Variants in DLGAP2 observed in about 807,000 individuals in gnomAD.
DLGAP2 encodes disks large-associated protein 2.
Under a neutral mutation model 100.3 loss-of-function variants are expected in DLGAP2, and 26 were observed. That is an observed-to-expected ratio of 0.26 (90% CI 0.19 to 0.36). The LOEUF is 0.36. DLGAP2 is among the 10% of genes least tolerant of loss of function. DLGAP2 has a pLI of 1.00. For missense variants in DLGAP2, 1,858 were observed against 1,453.2 expected, an observed-to-expected ratio of 1.28 and a Z score of -4.53; for synonymous variants, 886 against 630.1, an observed-to-expected ratio of 1.41 and a Z score of -6.08.
chr8:1,188,750 C>T (rs1482766739), intron 2 of DLGAP2, among the ~76,000 whole-genome samples: 2 of 152,222 alleles, frequency 1.3e-5, no homozygotes, highest in Non-Finnish European at 2.9e-5. Flanking sequence ...GAGATGTCAG[C>T]GTCTGGAAAG....
At chr8:1,700,556 C>T (rs540657631) in intron 14 of DLGAP2, among the ~76,000 whole-genome samples, 97 of 152,196 alleles carry the variant, frequency 6.4e-4, no homozygotes, top group Non-Finnish European at 1.1e-3. Context: ...ACGGCATACA[C>T]GTATTTTAGC....
chr8:1,699,540 G>C (rs896693920), intron 14 of DLGAP2, among the ~76,000 whole-genome samples: 2 of 152,234 alleles, frequency 1.3e-5, no homozygotes, highest in African/African-American at 4.8e-5. Flanking sequence ...AGTGAACCCG[G>C]AAGGCAGAGC....
At chr8:1,472,069 G>T (rs556599198) in intron 3 of DLGAP2, among the ~76,000 whole-genome samples, 1 of 152,242 alleles carries the variant, frequency 6.6e-6, no homozygotes, top group African/African-American at 2.4e-5. Context: ...TAGCAGCCAC[G>T]ATTGAGCGTG....
intron 3 of DLGAP2, among the ~76,000 whole-genome samples, chr8:1,454,679 C>A (rs1439392673): frequency 1.3e-5 from 2 of 152,164 alleles, no homozygotes; most frequent in African/African-American, 2.4e-5. Context: ...TTTGACTTCA[C>A]TTTTTCTCTA....
intron 3 of DLGAP2, among the ~76,000 whole-genome samples, chr8:1,293,936 G>T (rs902701298): frequency 6.6e-6 from 1 of 152,192 alleles, no homozygotes; most frequent in Admixed American, 6.5e-5. Context: ...TGCAAAACAA[G>T]TATCAGGCTG....
chr8:1,494,160 G>A (rs9918906), intron 3 of DLGAP2, among the ~76,000 whole-genome samples: 2 of 152,240 alleles, frequency 1.3e-5, no homozygotes, highest in Non-Finnish European at 2.9e-5. Context: ...TGGTGTTTAT[G>A]AGGTGATAAT....
At chr8:1,639,692 T>C (rs962598537) in intron 8 of DLGAP2, among the ~76,000 whole-genome samples, 36 of 152,194 alleles carry the variant, frequency 2.4e-4, no homozygotes, top group Non-Finnish European at 7.3e-5. Context: ...AAGTCTAAAG[T>C]AGGTTCTGTG....
intron 6 of DLGAP2, among the ~76,000 whole-genome samples, chr8:1,589,891 G>T (rs1796239895): frequency 6.6e-6 from 1 of 152,158 alleles, no homozygotes; most frequent in South Asian, 2.1e-4. Flanking sequence ...ACATTTGGGG[G>T]ATGGACTGTA....
At chr8:1,263,158 T>G (rs538117546) in intron 3 of DLGAP2, among the ~76,000 whole-genome samples, 30 of 152,346 alleles carry the variant, frequency 2.0e-4, no homozygotes, top group Admixed American at 1.7e-3. Flanking sequence ...GAACGATTCT[T>G]TAGCAATCGA....
chr8:1,244,851 T>C (rs907053385), intron 2 of DLGAP2, among the ~76,000 whole-genome samples: 2 of 152,166 alleles, frequency 1.3e-5, no homozygotes, highest in Non-Finnish European at 2.9e-5. Flanking sequence ...GAAACTCAAG[T>C]AATGAGGTAA....
rs191607020 is a variant in DLGAP2 at position 1,694,579 on chromosome 8, C to G, written c.2797-2568C>G. Among the ~76,000 whole-genome samples, 194 of 152,260 alleles carry G rather than the reference C, an allele frequency of 1.3e-3. 1 individual carries two copies. Among genetic ancestry groups the G allele is most frequent in the African/African-American group, 4.0e-3 (168 of 41,546 alleles). On this transcript the variant is annotated intron_variant, in intron 13 of 14. Coordinates refer to ENST00000637795, the MANE Select transcript of DLGAP2 (RefSeq NM_001346810.2). The stretch of plus-strand genomic sequence containing the variant: ...TGGCCTGATTGCTGTGCTTGTGGGA[C>G]CAGCAGTTTGGTGTCCCCAGAAACT...
intron 6 of DLGAP2, among the ~76,000 whole-genome samples, chr8:1,587,444 C>T (rs1386126307): frequency 1.3e-5 from 2 of 152,066 alleles, no homozygotes; most frequent in Non-Finnish European, 2.9e-5. Context: ...ATTGCTATTT[C>T]TTCTTTTGTT....
chr8:1,080,162 G>A (rs894774677), intron 2 of DLGAP2, among the ~76,000 whole-genome samples: 8 of 152,220 alleles, frequency 5.3e-5, no homozygotes, highest in Admixed American at 1.3e-4. Context: ...GAGCAGGTGC[G>A]GAGCTCCACA....
At chr8:1,365,197 C>A (rs562293740) in intron 3 of DLGAP2, among the ~76,000 whole-genome samples, 1 of 152,294 alleles carries the variant, frequency 6.6e-6, no homozygotes, top group South Asian at 2.1e-4. Context: ...TGGGTGGTCA[C>A]TTCTACCCGG....
intron 1 of DLGAP2, among the ~76,000 whole-genome samples, chr8:880,656 G>A (rs1379487275): frequency 6.9e-6 from 1 of 145,280 alleles, no homozygotes; most frequent in Non-Finnish European, 1.5e-5. Flanking sequence ...GTGCTGGGGA[G>A]ACTTTATAGG....
At chr8:1,519,739 C>A (rs933519431) in intron 4 of DLGAP2, among the ~76,000 whole-genome samples, 3 of 152,246 alleles carry the variant, frequency 2.0e-5, no homozygotes, top group Non-Finnish European at 4.4e-5. Context: ...AGCCAGCCTG[C>A]GGGCCTGGCC....
At chr8:831,446 A>G (rs1386922650) in intron 1 of DLGAP2, among the ~76,000 whole-genome samples, 2 of 151,896 alleles carry the variant, frequency 1.3e-5, no homozygotes, top group African/African-American at 2.4e-5. Flanking sequence ...ATTCCTACCT[A>G]TGAGTGAGAA....
intron 2 of DLGAP2, among the ~76,000 whole-genome samples, chr8:1,214,717 A>G (rs1348059897): frequency 6.6e-6 from 1 of 152,246 alleles, no homozygotes; most frequent in Non-Finnish European, 1.5e-5. Flanking sequence ...AGTTCTTCGC[A>G]CAGACACAGC....
Position 1,290,489 on chromosome 8 carries a change from T to G in DLGAP2, c.106+31606T>G, listed in dbSNP as rs191105310. On this transcript the variant is annotated intron_variant, in intron 3 of 14. Coordinates refer to ENST00000637795, the MANE Select transcript of DLGAP2 (RefSeq NM_001346810.2). ...TAATTCTCATCAGAGGATAAAATCA[T>G]ATAAGGCTCTAAACCCTTTATAATG... 3.7e-3 allele frequency among the ~76,000 whole-genome samples: 570 copies of G among 152,328 alleles called. 3 individuals are homozygous for G. Among genetic ancestry groups the G allele is most frequent in the Middle Eastern group, 0.014 (4 of 294 alleles).
Sources: allele counts gnomAD v4.1 joint callset (sites outside exome capture counted in the v4.1 genomes callset), GRCh38; gene constraint gnomAD v4.1.1; transcripts MANE v1.5; gene names NCBI Gene and HGNC (gene_info 2026-07-23, HGNC 2026-07-21).